The following SLC35F1 variants were observed in gnomAD, a reference collection of about 807,000 sequenced individuals.
SLC35F1 encodes chromosome 6 open reading frame 169.
SLC35F1 carries 14 observed loss-of-function variants against 48.7 expected under a neutral mutation model. That is an observed-to-expected ratio of 0.29 (90% CI 0.19 to 0.45). The LOEUF (loss-of-function observed/expected upper bound fraction) is 0.45, where lower values mean the gene tolerates loss of function less well. Ranked by LOEUF, SLC35F1 falls within the 20% of genes least tolerant of loss-of-function variation. The pLI is 1.00. For missense variants in SLC35F1, 404 were observed against 500.0 expected (o/e 0.81, Z 1.83); for synonymous variants, 190 against 202.2 (o/e 0.94, Z 0.51).
chr6:118,043,130 A>G (rs1415954290), intron 1 of SLC35F1, among the ~76,000 whole-genome samples: 2 of 152,150 alleles, frequency 1.3e-5, no homozygotes, highest in East Asian at 3.9e-4. Flanking sequence ...AGAATCATGC[A>G]TTTCACTTCT....
intron 7 of SLC35F1, among the ~76,000 whole-genome samples, chr6:118,291,021 C>T (rs1447092129): frequency 6.6e-6 from 1 of 152,070 alleles, no homozygotes; most frequent in Non-Finnish European, 1.5e-5. Flanking sequence ...TCTCGACCTC[C>T]TGACCTCATG....
rs1010642338 is a variant in SLC35F1, at chr6:117,999,414, A to G, written c.173+91515A>G. The G allele has an allele frequency of 2.7e-5, 43 of 1,588,886 alleles. No individual in the cohort carries two copies. In the African/African-American group the frequency reaches 5.8e-4, roughly 21 times the overall value. ...GCTTCAGTTCCAGCTCAGGCTCCCA[A>G]AGGTACCCAGGCCCCTACAAAGGCT... On this transcript the variant is annotated intron_variant, in intron 1 of 7. Transcript: ENST00000360388.
chr6:118,005,671 T>C (rs1777163933), intron 1 of SLC35F1, among the ~76,000 whole-genome samples: 1 of 152,218 alleles, frequency 6.6e-6, no homozygotes, highest in Non-Finnish European at 1.5e-5. Context: ...TTTTAGCAGC[T>C]TTCTGTTACT....
chr6:118,139,472 T>G (rs912097985), intron 1 of SLC35F1, among the ~76,000 whole-genome samples: 10 of 152,208 alleles, frequency 6.6e-5, no homozygotes, highest in Non-Finnish European at 1.3e-4. Flanking sequence ...ATGGCTTTTC[T>G]GTTATGGAGT....
At chr6:118,083,755 A>G (rs1772945337) in intron 1 of SLC35F1, among the ~76,000 whole-genome samples, 1 of 152,254 alleles carries the variant, frequency 6.6e-6, no homozygotes, top group Admixed American at 6.5e-5. Flanking sequence ...ACAGATGAAC[A>G]ATAATTTGCC....
intron 1 of SLC35F1, among the ~76,000 whole-genome samples, chr6:118,152,233 A>C (rs543126205): frequency 6.6e-6 from 1 of 152,314 alleles, no homozygotes; most frequent in African/African-American, 2.4e-5. Flanking sequence ...GAATGCAGAC[A>C]CAGAAGACCA....
At chr6:118,294,392 CT>C (rs1776158952) in intron 7 of SLC35F1, among the ~76,000 whole-genome samples, 1 of 152,204 alleles carries the variant, frequency 6.6e-6, no homozygotes, top group African/African-American at 2.4e-5. Context: ...CCAAACAGTT[CT>C]TTCACTGTAT....
At chr6:118,310,157 G>A (rs1776356648) in intron 7 of SLC35F1, among the ~76,000 whole-genome samples, 1 of 152,166 alleles carries the variant, frequency 6.6e-6, no homozygotes, top group East Asian at 1.9e-4. Context: ...GCTACAGTTT[G>A]CAAAGGAGAA....
At chr6:118,044,485 T>C (rs1582635700) in intron 1 of SLC35F1, among the ~76,000 whole-genome samples, 1 of 152,242 alleles carries the variant, frequency 6.6e-6, no homozygotes, top group Non-Finnish European at 1.5e-5. Context: ...GGGAGGGTGT[T>C]TCCTGAAGTA....
At chr6:118,114,381 T>G (rs1773448894) in intron 1 of SLC35F1, among the ~76,000 whole-genome samples, 1 of 152,182 alleles carries the variant, frequency 6.6e-6, no homozygotes, top group Non-Finnish European at 1.5e-5. Flanking sequence ...TATTTGGCAT[T>G]GACTGTACTG....
intron 1 of SLC35F1, among the ~76,000 whole-genome samples, chr6:118,113,142 G>A (rs1214944719): frequency 6.6e-6 from 1 of 152,070 alleles, no homozygotes; most frequent in Non-Finnish European, 1.5e-5. Flanking sequence ...CCAGGCTGGA[G>A]TGCAGTGTCA....
intron 3 of SLC35F1, among the ~76,000 whole-genome samples, chr6:118,254,827 T>C (rs777582982): frequency 4.6e-5 from 7 of 152,210 alleles, no homozygotes; most frequent in Admixed American, 1.3e-4. Context: ...ATGAATTCTA[T>C]AAATTAGAAG....
intron 7 of SLC35F1, among the ~76,000 whole-genome samples, chr6:118,290,531 ATACTCAAT>A (rs1441105630): frequency 6.6e-6 from 1 of 152,022 alleles, no homozygotes; most frequent in Non-Finnish European, 1.5e-5. Context: ...AAAAAGCAAA[ATACTCAAT>A]TAATTTAAAT....
intron 2 of SLC35F1, among the ~76,000 whole-genome samples, chr6:118,220,855 C>G (rs538923009): frequency 2.8e-4 from 42 of 152,316 alleles, no homozygotes; most frequent in African/African-American, 8.9e-4. Flanking sequence ...TCCAAAGAAG[C>G]TTGGCATTGT....
At chr6:118,056,549 A>C (rs931466801) in intron 1 of SLC35F1, among the ~76,000 whole-genome samples, 1 of 152,196 alleles carries the variant, frequency 6.6e-6, no homozygotes, top group Non-Finnish European at 1.5e-5. Flanking sequence ...CCAACACCAA[A>C]TCAATCTATA....
At chr6:118,218,261 G>A (rs562318952) in intron 2 of SLC35F1, among the ~76,000 whole-genome samples, 1 of 152,268 alleles carries the variant, frequency 6.6e-6, no homozygotes, top group African/African-American at 2.4e-5. Context: ...TCACAGTCAA[G>A]TTTCTTACTA....
intron 2 of SLC35F1, among the ~76,000 whole-genome samples, chr6:118,160,271 G>A (rs1774210687): frequency 6.6e-6 from 1 of 152,182 alleles, no homozygotes; most frequent in African/African-American, 2.4e-5. Context: ...GGTTCTGCAA[G>A]TTTTGCTTTT....
At chr6:118,311,525 C>G (rs1232295709) in intron 7 of SLC35F1, among the ~76,000 whole-genome samples, 1 of 152,232 alleles carries the variant, frequency 6.6e-6, no homozygotes, top group African/African-American at 2.4e-5. Context: ...CGCGATGGCC[C>G]ACGCCTGTAA....
chr6:117,946,077 C>T (rs1776291612), intron 1 of SLC35F1, among the ~76,000 whole-genome samples: 1 of 152,120 alleles, frequency 6.6e-6, no homozygotes. Context: ...GACCTTAGTG[C>T]AAGAATAAAA....
Sources: gnomAD v4.1 joint callset for allele counts (sites outside exome capture counted in the v4.1 genomes callset) on GRCh38, gnomAD v4.1.1 for gene constraint, MANE v1.5 for transcripts, NCBI Gene and HGNC (gene_info 2026-07-23, HGNC 2026-07-21) for gene names.